BORCS5: variants seen among roughly 807,000 people sequenced by gnomAD.
The protein encoded by BORCS5 is BLOC-1 related complex subunit 5.
Under a neutral mutation model 22.1 loss-of-function variants are expected in BORCS5, and 17 were observed. That is an observed-to-expected ratio of 0.77 (90% CI 0.53 to 1.15). BORCS5 has a LOEUF of 1.15. Among genes scored for constraint, BORCS5 ranks in the 50% most tolerant of loss-of-function variants. The probability of loss-of-function intolerance (pLI) is 0.00; values close to 1 mark genes in which losing one functional copy is unlikely to be tolerated. For missense variants in BORCS5, 247 were observed against 253.2 expected, an observed-to-expected ratio of 0.98 and a Z score of 0.17; for synonymous variants, 117 against 99.8, an observed-to-expected ratio of 1.17 and a Z score of -1.03.
At chr12:12,429,922 C>T (rs1942379351) in intron 2 of BORCS5, among the ~76,000 whole-genome samples, 1 of 152,130 alleles carries the variant, frequency 6.6e-6, no homozygotes, top group Non-Finnish European at 1.5e-5. Flanking sequence ...CGCTCTTAGG[C>T]ATATATGCAG....
intron 3 of BORCS5, among the ~76,000 whole-genome samples, chr12:12,448,843 A>G (rs1238007914): frequency 6.6e-6 from 1 of 152,110 alleles, no homozygotes; most frequent in Non-Finnish European, 1.5e-5. Flanking sequence ...TCAATTCTTT[A>G]AGGTCTTATT....
In BORCS5 at chr12:12,468,644, T is replaced by C. The variant is rs924274600; in HGVS notation, c.*2868T>C. 6.6e-6 allele frequency: 1 copy of C among 152,364 alleles called. No homozygotes were observed. Among genetic ancestry groups the C allele is most frequent in the East Asian group, 1.9e-4 (1 of 5,192 alleles). 9.4% of individuals were successfully genotyped at this position (152,364 alleles called of 1,614,324 possible). A position where few individuals can be genotyped will look rare whatever the true frequency, so the allele number is the denominator to read the frequency against. On this transcript the variant is annotated 3_prime_UTR_variant, in exon 4 of 4. Transcript: ENST00000314565. ...AGTGGCCCTGGGTCTTGGTAGTGAC[T>C]AAATTCCGAGCTCCCAAGGTGCAGC...
rs1032773888 is a variant in BORCS5 at position 12,470,552 on chromosome 12, C to T, written c.*4776C>T. Among the ~76,000 whole-genome samples, 26 of 152,078 alleles carry T rather than the reference C, an allele frequency of 1.7e-4. No homozygotes were observed. The highest frequency in any genetic ancestry group is 3.4e-4 in the African/African-American group (14 of 41,384). On this transcript the variant is annotated 3_prime_UTR_variant, in exon 4 of 4. Coordinates refer to ENST00000314565, the MANE Select transcript of BORCS5 (RefSeq NM_058169.6). ...TAATGCCTGATGATCTGAGATGGAA[C>T]GGTTTCATCCAGAAACCATCCCCCT...
intron 2 of BORCS5, among the ~76,000 whole-genome samples, chr12:12,387,934 G>GA (rs1863918044): frequency 6.6e-6 from 1 of 151,336 alleles, no homozygotes; most frequent in African/African-American, 2.4e-5. Flanking sequence ...TGTTTAACAC[G>GA]ACAGAACCTA....
intron 2 of BORCS5, among the ~76,000 whole-genome samples, chr12:12,383,324 G>A (rs1863814410): frequency 6.6e-6 from 1 of 151,144 alleles, no homozygotes; most frequent in Non-Finnish European, 1.5e-5. Flanking sequence ...TATAATATCT[G>A]TATATATTTG....
intron 2 of BORCS5, among the ~76,000 whole-genome samples, chr12:12,399,982 C>T (rs1941430915): frequency 1.3e-5 from 2 of 152,278 alleles, no homozygotes; most frequent in East Asian, 1.9e-4. Context: ...AAAAATTAAC[C>T]AAATTAAATG....
chr12:12,397,431 C>T (rs1211463677), intron 2 of BORCS5, among the ~76,000 whole-genome samples: 4 of 152,234 alleles, frequency 2.6e-5, no homozygotes, highest in Non-Finnish European at 5.9e-5. Flanking sequence ...TGCCCAGGAA[C>T]AGCCTACGCT....
At chr12:12,448,887 C>G (rs1173419954) in intron 3 of BORCS5, among the ~76,000 whole-genome samples, 1 of 152,194 alleles carries the variant, frequency 6.6e-6, no homozygotes, top group African/African-American at 2.4e-5. Flanking sequence ...GCCCAATGTT[C>G]AAGCATGTTC....
At chr12:12,374,998 A>T (rs1863617106) in intron 2 of BORCS5, among the ~76,000 whole-genome samples, 1 of 151,484 alleles carries the variant, frequency 6.6e-6, no homozygotes, top group African/African-American at 2.4e-5. Context: ...TTTGGAATAT[A>T]CTGCTTTTCT....
At chr12:12,445,522 GA>G (rs1942768716) in intron 3 of BORCS5, among the ~76,000 whole-genome samples, 2 of 30,510 alleles carry the variant, frequency 6.6e-5, no homozygotes, top group African/African-American at 1.4e-4. Flanking sequence ...TTTTCAATTT[GA>G]AATACCTTTT....
intron 1 of BORCS5, among the ~76,000 whole-genome samples, chr12:12,357,883 A>T (rs976837780): frequency 6.6e-6 from 1 of 152,212 alleles, no homozygotes; most frequent in African/African-American, 2.4e-5. Flanking sequence ...TCTGTTTCTT[A>T]AAAACGGGTG....
At chr12:12,417,920 G>A (rs987873637) in intron 2 of BORCS5, among the ~76,000 whole-genome samples, 21 of 151,842 alleles carry the variant, frequency 1.4e-4, no homozygotes, top group African/African-American at 4.8e-4. Context: ...GGGAGTACAG[G>A]CATGAGCCAC....
chr12:12,386,284 A>T (rs1330300807), intron 2 of BORCS5, among the ~76,000 whole-genome samples: 1 of 150,574 alleles, frequency 6.6e-6, no homozygotes, highest in African/African-American at 2.5e-5. Context: ...TACAGGTGTG[A>T]GCCACTGTGC....
rs569827117 is a variant in BORCS5 at position 12,432,384 on chromosome 12, G to T, written c.203-3244G>T. 6.6e-5 allele frequency among the ~76,000 whole-genome samples: 10 copies of T among 152,300 alleles called. No homozygotes were observed. The Middle Eastern group carries it at 0.014, about 207-fold the overall frequency. On this transcript the variant is annotated intron_variant, in intron 2 of 3. Coordinates refer to ENST00000314565, the MANE Select transcript of BORCS5 (RefSeq NM_058169.6). The stretch of plus-strand genomic sequence containing the variant: ...TGTATTTCTTGTCAGTGATAGGGTA[G>T]CCCTTGATAGTTTTGTTAGGAGATT...
chr12:12,365,496 C>G (rs1446904875), intron 2 of BORCS5, among the ~76,000 whole-genome samples: 1 of 152,012 alleles, frequency 6.6e-6, no homozygotes. Flanking sequence ...TCAAAAAATA[C>G]TATAGAAAAT....
rs753111103 is a variant in BORCS5 at position 12,462,044 on chromosome 12, G to A, written c.361-3502G>A. 4.1e-4 allele frequency among the ~76,000 whole-genome samples: 63 copies of A among 152,220 alleles called. 1 individual carries two copies. The highest frequency in any genetic ancestry group is 1.5e-5 in the Non-Finnish European group (1 of 68,048). On this transcript the variant is annotated intron_variant, in intron 3 of 3. Coordinates refer to ENST00000314565, the MANE Select transcript of BORCS5 (RefSeq NM_058169.6). ...AGTGGAAAAGAAAATTCATGTTAATGTACACGGTAAGCTGTGTGGGTGTAA... is the reference window on the plus strand; with the variant it reads ...AGTGGAAAAGAAAATTCATGTTAATATACACGGTAAGCTGTGTGGGTGTAA...
intron 2 of BORCS5, among the ~76,000 whole-genome samples, chr12:12,429,043 G>A (rs780735738): frequency 3.3e-5 from 5 of 152,216 alleles, no homozygotes; most frequent in Non-Finnish European, 7.3e-5. Context: ...TGGGTGAGTG[G>A]AGCTGCCGGG....
chr12:12,382,331 A>G (rs563872981), intron 2 of BORCS5, among the ~76,000 whole-genome samples: 1 of 151,138 alleles, frequency 6.6e-6, no homozygotes, highest in African/African-American at 2.4e-5. Flanking sequence ...CAGTTCTCCC[A>G]TAAACTAATA....
At chr12:12,374,600 G>T (rs1863606764) in intron 2 of BORCS5, among the ~76,000 whole-genome samples, 1 of 151,904 alleles carries the variant, frequency 6.6e-6, no homozygotes, top group Non-Finnish European at 1.5e-5. Context: ...CTGTACTCCA[G>T]CCTGGGTGGC....
Sources: gnomAD v4.1 joint callset for allele counts (sites outside exome capture counted in the v4.1 genomes callset) on GRCh38, gnomAD v4.1.1 for gene constraint, MANE v1.5 for transcripts, NCBI Gene and HGNC (gene_info 2026-07-23, HGNC 2026-07-21) for gene names.